ABLIM1: variants seen among roughly 807,000 people sequenced by gnomAD.
The protein encoded by ABLIM1 is actin binding LIM protein 1.
In ABLIM1, 40 loss-of-function variants were observed where a neutral mutation model predicts 107.0. The ratio of observed to expected loss-of-function variants is 0.37; its 90% confidence interval spans 0.29 to 0.49. The LOEUF (loss-of-function observed/expected upper bound fraction) is 0.49. Among genes scored for constraint, ABLIM1 ranks in the 20% least tolerant of loss-of-function variants. The probability of loss-of-function intolerance (pLI) is 0.97; values close to 1 mark genes in which losing one functional copy is unlikely to be tolerated. For synonymous variants in ABLIM1, 357 were observed against 357.3 expected (o/e 1.00, Z 0.01); for missense variants, 857 against 1,008.5 (o/e 0.85, Z 2.04).
In ABLIM1 at chr10:114,720,525, G is replaced by A. The variant is rs190727960; in HGVS notation, c.-213+47536C>T. On this transcript the variant is annotated intron_variant, in intron 1 of 15. Transcript: ENST00000651092. ...AGAGTTCCTATTTCTCAGCAGCCTCGCCAGCATCTGTTGGAGAAACATATT... is the reference window on the plus strand; with the variant it reads ...AGAGTTCCTATTTCTCAGCAGCCTCACCAGCATCTGTTGGAGAAACATATT... Among the ~76,000 whole-genome samples, 19 of 152,144 alleles carry A rather than the reference G, an allele frequency of 1.2e-4. No individual in the cohort carries two copies. The East Asian group carries it at 1.7e-3, about 14-fold the overall frequency.
At chr10:114,789,283 A>T in the ABLIM1 span, among the ~76,000 whole-genome samples, 9 of 152,106 alleles carry the variant, frequency 5.9e-5, no homozygotes, top group Admixed American at 5.2e-4. Flanking sequence ...GAGAAAAAAG[A>T]AAAAAATGCA....
intron 12 of ABLIM1, among the ~76,000 whole-genome samples, chr10:114,461,290 C>T (rs1221985795): frequency 1.3e-5 from 2 of 151,662 alleles, no homozygotes; most frequent in African/African-American, 4.8e-5. Flanking sequence ...TGGTCTTGAA[C>T]TCCTGGGCTC....
chr10:114,767,748 C>G (rs898064354), intron 1 of ABLIM1, among the ~76,000 whole-genome samples: 6 of 152,192 alleles, frequency 3.9e-5, no homozygotes. Context: ...CCCTCCTGGC[C>G]AGCCCTTCCA....
At chr10:114,582,947 C>T (rs1188615260) in intron 2 of ABLIM1, among the ~76,000 whole-genome samples, 1 of 152,056 alleles carries the variant, frequency 6.6e-6, no homozygotes, top group Non-Finnish European at 1.5e-5. Flanking sequence ...TGGACATCGG[C>T]CTTGGCAAAG....
chr10:114,552,676 CA>C (rs2068214976), intron 4 of ABLIM1, among the ~76,000 whole-genome samples: 1 of 152,136 alleles, frequency 6.6e-6, no homozygotes, highest in Non-Finnish European at 1.5e-5. Context: ...ATATCCTTGA[CA>C]ATAGGGATAT....
intron 1 of ABLIM1, among the ~76,000 whole-genome samples, chr10:114,714,635 G>GAATGCAA (rs1188586850): frequency 6.6e-6 from 1 of 152,162 alleles, no homozygotes; most frequent in Non-Finnish European, 1.5e-5. Context: ...CTCCACAGAG[G>GAATGCAA]AATGCAAAAT....
At chr10:114,571,221 C>A in intron 4 of ABLIM1, 76 bp downstream of exon 4, 1 of 1,296,108 alleles carries the variant, frequency 7.7e-7, no homozygotes, top group South Asian at 1.2e-5. Context: ...CAGCGTTTCT[C>A]AAAAAGGAAG....
At chr10:114,769,470 A>AGG (rs1491104035), upstream of ABLIM1, among the ~76,000 whole-genome samples, 53 of 115,234 alleles carry the variant, frequency 4.6e-4, no homozygotes, top group Admixed American at 9.1e-4. Flanking sequence ...AAAGAAAGAA[A>AGG]GAAAGAAAGA....
At chr10:114,621,442 C>A (rs532466915) in intron 1 of ABLIM1, among the ~76,000 whole-genome samples, 7 of 152,314 alleles carry the variant, frequency 4.6e-5, no homozygotes, top group African/African-American at 1.7e-4. Context: ...CCATACACCT[C>A]ATTCATTCAC....
chr10:114,434,707 A>G lies in ABLIM1; in HGVS notation c.*1553T>C, dbSNP rs961937509. 6.6e-6 allele frequency: 1 copy of G among 152,188 alleles called. No homozygotes were observed. The highest frequency in any genetic ancestry group is 1.9e-4 in the East Asian group (1 of 5,198). 9.4% of individuals were successfully genotyped at this position (152,188 alleles called of 1,614,324 possible). On this transcript the variant is annotated 3_prime_UTR_variant, in exon 23 of 23. Transcript: ENST00000533213. The stretch of plus-strand genomic sequence containing the variant: ...CTTACCCTCCTGGGTGTGGAGTTAC[A>G]CAAACTCTCCCTCATCTAACTCACG...
chr10:114,752,706 CTGAG>C (rs551404151), intron 1 of ABLIM1, among the ~76,000 whole-genome samples: 232 of 152,266 alleles, frequency 1.5e-3, no homozygotes, highest in African/African-American at 5.0e-3. Flanking sequence ...TTTTCTGTTC[CTGAG>C]TTAGTTTGCT....
chr10:114,453,513 T>C, intron 12 of ABLIM1, 30 bp from the exon 13 acceptor site: 2 of 1,478,630 alleles, frequency 1.4e-6, no homozygotes, highest in South Asian at 1.4e-5. Flanking sequence ...AAAAACAAAA[T>C]GAGAGAAGGG....
chr10:114,678,806 T>C (rs2080609534), intron 1 of ABLIM1, among the ~76,000 whole-genome samples: 1 of 152,240 alleles, frequency 6.6e-6, no homozygotes, highest in Non-Finnish European at 1.5e-5. Context: ...GGTTAGATTG[T>C]CTTTTTATTT....
At chr10:114,517,924 G>A (rs1347378212) in intron 6 of ABLIM1, among the ~76,000 whole-genome samples, 3 of 151,906 alleles carry the variant, frequency 2.0e-5, no homozygotes, top group South Asian at 2.1e-4. Context: ...CATGTGAGAC[G>A]AACAAGACAT....
At chr10:114,497,523 A>T (rs546368571) in intron 6 of ABLIM1, among the ~76,000 whole-genome samples, 24 of 152,154 alleles carry the variant, frequency 1.6e-4, no homozygotes, top group African/African-American at 5.3e-4. Context: ...ACTAAAAAAA[A>T]TATTAAATAT....
chr10:114,484,653 G>A (rs2057910293), intron 8 of ABLIM1, among the ~76,000 whole-genome samples: 1 of 152,154 alleles, frequency 6.6e-6, no homozygotes, highest in Admixed American at 6.5e-5. Flanking sequence ...AAAGTGCTGG[G>A]ATTACAGGCG....
intron 1 of ABLIM1, among the ~76,000 whole-genome samples, chr10:114,620,156 A>T (rs943969356): frequency 1.3e-5 from 2 of 152,216 alleles, no homozygotes; most frequent in African/African-American, 4.8e-5. Context: ...CTGGAACATA[A>T]AATAAGTTTA....
intron 12 of ABLIM1, among the ~76,000 whole-genome samples, chr10:114,460,551 A>G (rs1230946775): frequency 1.3e-5 from 2 of 152,204 alleles, no homozygotes; most frequent in Admixed American, 1.3e-4. Flanking sequence ...CAGTGAGCTG[A>G]GATTGTGCCA....
At chr10:114,681,336 C>G (rs980816341) in intron 1 of ABLIM1, among the ~76,000 whole-genome samples, 9 of 152,140 alleles carry the variant, frequency 5.9e-5, no homozygotes, top group African/African-American at 2.2e-4. Context: ...GCTGGGATTA[C>G]AGGCGTGTGT....
Sources: gnomAD v4.1 joint callset for allele counts (sites outside exome capture counted in the v4.1 genomes callset) on GRCh38, gnomAD v4.1.1 for gene constraint, MANE v1.5 for transcripts, NCBI Gene and HGNC (gene_info 2026-07-23, HGNC 2026-07-21) for gene names.